The following AMBRA1 variants were observed in gnomAD, a reference collection of about 807,000 sequenced individuals.
AMBRA1 encodes autophagy and beclin 1 regulator 1.
In AMBRA1, 47 loss-of-function variants were observed where a neutral mutation model predicts 125.4. The observed-to-expected ratio is 0.37, with a 90% CI of 0.30 to 0.48. AMBRA1 has a LOEUF of 0.48. Ranked by LOEUF, AMBRA1 falls within the 20% of genes least tolerant of loss-of-function variation. The pLI is 0.99. For missense variants in AMBRA1, 1,331 were observed against 1,693.4 expected (o/e 0.79, Z 3.76); for synonymous variants, 626 against 655.5 (o/e 0.95, Z 0.69).
At chr11:46,527,008 A>C (rs983499025) in intron 7 of AMBRA1, among the ~76,000 whole-genome samples, 1 of 152,354 alleles carries the variant, frequency 6.6e-6, no homozygotes, top group South Asian at 2.1e-4. Flanking sequence ...TTTGTAAAGC[A>C]TAAGGCCCCT....
chr11:46,571,793 G>C (rs1286346199), intron 1 of AMBRA1, among the ~76,000 whole-genome samples: 2 of 147,666 alleles, frequency 1.4e-5, no homozygotes, highest in South Asian at 4.5e-4. Context: ...AGGTTCAAGA[G>C]ATTCTCCTGC....
At chr11:46,550,742 G>A (rs529008591) in intron 1 of AMBRA1, among the ~76,000 whole-genome samples, 1 of 151,914 alleles carries the variant, frequency 6.6e-6, no homozygotes, top group East Asian at 1.9e-4. Flanking sequence ...CCATCTAAAG[G>A]GTACTGGATG....
chr11:46,509,726 A>C (rs907887245), intron 8 of AMBRA1, among the ~76,000 whole-genome samples: 44 of 152,134 alleles, frequency 2.9e-4, no homozygotes, highest in African/African-American at 1.0e-3. Flanking sequence ...ATACTAAAAT[A>C]TGTTGCTGTT....
chr11:46,591,638 C>T (rs1195052516), intron 1 of AMBRA1, among the ~76,000 whole-genome samples: 1 of 152,028 alleles, frequency 6.6e-6, no homozygotes, highest in Non-Finnish European at 1.5e-5. Flanking sequence ...AGGTGGATCA[C>T]GAGGTCAGGG....
intron 14 of AMBRA1, among the ~76,000 whole-genome samples, chr11:46,422,504 A>G (rs1946893883): frequency 6.6e-6 from 1 of 152,144 alleles, no homozygotes; most frequent in Non-Finnish European, 1.5e-5. Flanking sequence ...ATAGGAAGTG[A>G]GAGCAAAAGA....
chr11:46,500,895 A>G (rs556120860), intron 9 of AMBRA1, among the ~76,000 whole-genome samples: 2 of 152,302 alleles, frequency 1.3e-5, no homozygotes, highest in East Asian at 1.9e-4. Flanking sequence ...ATTACAGTCT[A>G]TCTTTTTAGA....
intron 11 of AMBRA1, among the ~76,000 whole-genome samples, chr11:46,447,420 A>C (rs960603065): frequency 6.6e-6 from 1 of 152,118 alleles, no homozygotes; most frequent in Non-Finnish European, 1.5e-5. Context: ...CTGTAGTCTC[A>C]GTTACTTGGG....
At chr11:46,469,528 T>C (rs533308768) in intron 11 of AMBRA1, among the ~76,000 whole-genome samples, 1 of 152,326 alleles carries the variant, frequency 6.6e-6, no homozygotes, top group African/African-American at 2.4e-5. Context: ...GTGTAATATA[T>C]ATGAAAACTG....
intron 1 of AMBRA1, among the ~76,000 whole-genome samples, chr11:46,551,375 C>T (rs1386948738): frequency 6.6e-6 from 1 of 151,982 alleles, no homozygotes; most frequent in Non-Finnish European, 1.5e-5. Context: ...TGCGATGGTG[C>T]AATCATGGCT....
intron 1 of AMBRA1, among the ~76,000 whole-genome samples, chr11:46,573,847 G>T (rs1424686017): frequency 8.3e-6 from 1 of 120,394 alleles, no homozygotes; most frequent in Non-Finnish European, 1.6e-5. Context: ...CCCAGAGTGT[G>T]ATATTCCCCT....
intron 11 of AMBRA1, among the ~76,000 whole-genome samples, chr11:46,481,544 G>C (rs1950069910): frequency 6.6e-6 from 1 of 152,014 alleles, no homozygotes; most frequent in South Asian, 2.1e-4. Flanking sequence ...TATATTTTTA[G>C]CAGAGATAGG....
intron 1 of AMBRA1, among the ~76,000 whole-genome samples, chr11:46,572,146 C>A (rs933001949): frequency 1.3e-5 from 2 of 151,942 alleles, no homozygotes; most frequent in African/African-American, 4.8e-5. Context: ...ACCGAAAATA[C>A]AAAAATTTGC....
At chr11:46,581,739 G>A (rs1008318295) in intron 1 of AMBRA1, among the ~76,000 whole-genome samples, 1 of 145,524 alleles carries the variant, frequency 6.9e-6, no homozygotes, top group Non-Finnish European at 1.5e-5. Flanking sequence ...GGCAGAAATC[G>A]CACTGAGCCA....
intron 1 of AMBRA1, among the ~76,000 whole-genome samples, chr11:46,560,916 A>G (rs187423898): frequency 1.9e-3 from 284 of 152,306 alleles, no homozygotes; most frequent in Non-Finnish European, 3.1e-3. Flanking sequence ...CTTTGGCAAC[A>G]ATATACCTTT....
chr11:46,564,716 G>C (rs2043461553), intron 1 of AMBRA1, among the ~76,000 whole-genome samples: 2 of 152,048 alleles, frequency 1.3e-5, no homozygotes, highest in South Asian at 4.2e-4. Flanking sequence ...CTATAACCTT[G>C]GACAAATTCT....
At chr11:46,417,627 AGT>A (rs1946604718) in intron 15 of AMBRA1, among the ~76,000 whole-genome samples, 1 of 152,220 alleles carries the variant, frequency 6.6e-6, no homozygotes, top group African/African-American at 2.4e-5. Flanking sequence ...GGGAAACTTT[AGT>A]ATCACTAGGA....
At chr11:46,486,144 A>C (rs1950260524) in intron 11 of AMBRA1, among the ~76,000 whole-genome samples, 1 of 152,182 alleles carries the variant, frequency 6.6e-6, no homozygotes, top group Non-Finnish European at 1.5e-5. Flanking sequence ...ACCACCACTA[A>C]TTGTCCATTT....
intron 17 of AMBRA1, among the ~76,000 whole-genome samples, chr11:46,403,051 T>C (rs890139000): frequency 2.0e-5 from 3 of 152,226 alleles, no homozygotes; most frequent in African/African-American, 7.2e-5. Context: ...TCCTCCTCTG[T>C]AGCAAAAGCA....
At position 46,542,035 on chromosome 11, in the gene AMBRA1, T is replaced by C. The variant is rs1284461254; in HGVS notation, c.1982A>G (p.Tyr661Cys). ...AGTTCCAGATCTGCTGGACTGGGTG[T>C]AAATTCTTTCCCAGTGGCCTGTCTC... ...NQETGHWERI[Y>C]TQSSRSGTVS... The change falls in exon 7 of 18, where the codon TAC (tyrosine) becomes TGC (cysteine). Residue 661 changes from tyrosine to cysteine, a missense_variant. By Grantham distance (194) the Tyr-to-Cys change is radical (BLOSUM62 -2). Transcript: ENST00000683756. The surrounding 1 kb of genome is among the most constrained non-coding windows in gnomAD (Gnocchi z 5.9). 1 of 1,613,980 alleles carries C rather than the reference T, an allele frequency of 6.2e-7. No homozygotes were observed. The highest frequency in any genetic ancestry group is 8.5e-7 in the Non-Finnish European group (1 of 1,179,978).
Sources: gnomAD v4.1 joint callset for allele counts (sites outside exome capture counted in the v4.1 genomes callset) on GRCh38, gnomAD v4.1.1 for gene constraint, Gnocchi (gnomAD v3.1) non-coding constraint, MANE v1.5 for transcripts, NCBI Gene and HGNC (gene_info 2026-07-23, HGNC 2026-07-21) for gene names.